ZNF562: variants seen among roughly 807,000 people sequenced by gnomAD.
The protein encoded by ZNF562 is zinc finger protein 562.
ZNF562 carries 13 observed loss-of-function variants against 17.5 expected under a neutral mutation model. That is an observed-to-expected ratio of 0.74 (90% CI 0.48 to 1.18). The LOEUF (loss-of-function observed/expected upper bound fraction) is 1.18, where lower values mean the gene tolerates loss of function less well. ZNF562 is among the 50% of genes most tolerant of loss of function. The pLI is 0.00. For missense variants in ZNF562, 481 were observed against 498.5 expected (o/e 0.96, Z 0.33); for synonymous variants, 163 against 165.4 (o/e 0.99, Z 0.11).
chr19:9,667,629 G>A (rs971592178), intron 1 of ZNF562, among the ~76,000 whole-genome samples: 1 of 152,152 alleles, frequency 6.6e-6, no homozygotes, highest in African/African-American at 2.4e-5. Flanking sequence ...GTCTCCCTCT[G>A]TTGCTCAGGC....
chr19:9,663,248 C>CAAAAAAAAAAAAAAAA (rs59452070), intron 1 of ZNF562, among the ~76,000 whole-genome samples: 2 of 129,910 alleles, frequency 1.5e-5, no homozygotes, highest in Admixed American at 1.5e-4. Flanking sequence ...ACTAAAAATA[C>CAAAAAAAAAAAAAAAA]AAAAAAAAAA....
intron 2 of ZNF562, among the ~76,000 whole-genome samples, chr19:9,660,408 C>T (rs1251059306): frequency 6.6e-6 from 1 of 152,092 alleles, no homozygotes; most frequent in Non-Finnish European, 1.5e-5. Context: ...AGGCAAATCA[C>T]CTGAGGTCGG....
In ZNF562 at chr19:9,643,402, G is replaced by C. The variant is rs2144937117; in HGVS notation, c.*9547C>G. ...AAAAAAATGTGTCTGAAAGGGTCTT[G>C]AGCATCCCTCTGGGCAAATTCCAGG... On this transcript the variant is annotated 3_prime_UTR_variant, in exon 6 of 6. Transcript: ENST00000453372. 1 of 152,060 alleles carries C rather than the reference G, an allele frequency of 6.6e-6. No individual in the cohort carries two copies. Among genetic ancestry groups the C allele is most frequent in the Non-Finnish European group, 1.5e-5 (1 of 67,994 alleles). 9.4% of individuals were successfully genotyped at this position (152,060 alleles called of 1,614,324 possible). A position where few individuals can be genotyped will look rare whatever the true frequency, so the allele number is the denominator to read the frequency against.
chr19:9,674,810 G>A (rs2044346381), intron 1 of ZNF562: 1 of 152,308 alleles, frequency 6.6e-6, no homozygotes, highest in Admixed American at 6.5e-5. Flanking sequence ...ACACCCGGCG[G>A]AGGCGGAACA....
In ZNF562 at chr19:9,642,876, A is replaced by AT. The variant is rs1421949755; in HGVS notation, c.*10072dup. The AT allele has an allele frequency of 6.6e-6, 1 of 151,346 alleles. No homozygotes were observed. The highest frequency in any genetic ancestry group is 2.4e-5 in the African/African-American group (1 of 41,208). 9.4% of individuals were successfully genotyped at this position (151,346 alleles called of 1,614,324 possible). Reference sequence around the variant, plus strand: ...CACAGTCTCGACCAAAAAAAAAAAAATTTAAAAATAAAAAAATTAGCCGGG... The same window carrying AT: ...CACAGTCTCGACCAAAAAAAAAAAAATTTTAAAAATAAAAAAATTAGCCGGG... On this transcript the variant is annotated 3_prime_UTR_variant, in exon 6 of 6. Transcript: ENST00000453372.
At chr19:9,661,218 C>G (rs1448081996) in intron 1 of ZNF562, among the ~76,000 whole-genome samples, 3 of 152,102 alleles carry the variant, frequency 2.0e-5, no homozygotes, top group African/African-American at 7.2e-5. Context: ...GACACAACAA[C>G]AGCTCTCTGT....
chr19:9,661,060 G>A (rs2043716374), intron 1 of ZNF562, among the ~76,000 whole-genome samples, 186 bp from the exon 2 acceptor site: 1 of 152,176 alleles, frequency 6.6e-6, no homozygotes, highest in Non-Finnish European at 1.5e-5. Flanking sequence ...GTCAGAAGTA[G>A]CTCTAGTAGC....
In ZNF562 at chr19:9,648,781, C is replaced by T. The variant is rs1298709663; in HGVS notation, c.*4168G>A. On this transcript the variant is annotated 3_prime_UTR_variant, in exon 6 of 6. Transcript: ENST00000453372. ...CTAAAACTATAGGCATGCATCACCACATCATTTCATTGAAGTATTTATTAG... is the reference window on the plus strand; with the variant it reads ...CTAAAACTATAGGCATGCATCACCATATCATTTCATTGAAGTATTTATTAG... 2.6e-5 allele frequency: 4 copies of T among 152,000 alleles called. No individual in the cohort carries two copies. Among genetic ancestry groups the T allele is most frequent in the African/African-American group, 7.2e-5 (3 of 41,474 alleles). 9.4% of individuals were successfully genotyped at this position (152,000 alleles called of 1,614,324 possible).
chr19:9,653,589 T>G lies in ZNF562; in HGVS notation c.641A>C (p.Lys214Thr). 6.2e-7 allele frequency: 1 copy of G among 1,614,168 alleles called. No individual in the cohort carries two copies. The highest frequency in any genetic ancestry group is 8.5e-7 in the Non-Finnish European group (1 of 1,180,020). ...YKCKECGKGFKYFASLDNHMG... is the reference protein window; with the variant it reads ...YKCKECGKGFTYFASLDNHMG... Reference sequence around the variant, plus strand: ...GTGATTATCAAGGCTTGCAAAATACTTAAAGCCTTTTCCACATTCCTTACA... The same window carrying G: ...GTGATTATCAAGGCTTGCAAAATACGTAAAGCCTTTTCCACATTCCTTACA... Residue 214 changes from lysine (K) to threonine (T), a missense_variant, in exon 6 of 6, where the codon AAG becomes ACG. Around this residue, in one of 2 missense-constraint regions of ZNF562, gnomAD observed 403 missense variants for 386.4 expected, o/e 1.04. Transcript: ENST00000453372.
chr19:9,656,788 G>A, intron 4 of ZNF562, 135 bp from the exon 5 acceptor site: 1 of 769,690 alleles, frequency 1.3e-6, no homozygotes, highest in South Asian at 1.8e-5. Flanking sequence ...ACTTTGGGAG[G>A]CTGAGGTGGG....
intron 1 of ZNF562, among the ~76,000 whole-genome samples, chr19:9,667,057 G>A (rs2043981434): frequency 6.6e-6 from 1 of 152,070 alleles, no homozygotes. Context: ...CCAGACAAGA[G>A]CACAACAACA....
intron 1 of ZNF562, among the ~76,000 whole-genome samples, chr19:9,671,910 G>A (rs1336629869): frequency 1.3e-5 from 2 of 152,184 alleles, no homozygotes; most frequent in Non-Finnish European, 2.9e-5. Flanking sequence ...AGGCTGAACT[G>A]AGTAATTTGA....
rs1030832938 is a variant in ZNF562, at chr19:9,652,826, A to T, written c.*123T>A. 1 of 833,244 alleles carries T rather than the reference A, an allele frequency of 1.2e-6. No individual in the cohort carries two copies. Among genetic ancestry groups the T allele is most frequent in the African/African-American group, 1.7e-5 (1 of 58,270 alleles). 51.6% of individuals were successfully genotyped at this position (833,244 alleles called of 1,614,324 possible). A position where few individuals can be genotyped will look rare whatever the true frequency, so the allele number is the denominator to read the frequency against. On this transcript the variant is annotated 3_prime_UTR_variant, in exon 6 of 6. Transcript: ENST00000453372. Reference sequence around the variant, plus strand: ...CTCCCCAGTGTGAATTCTTTCATGCATACTTAGGCATGAGGAAAGAGCAAA... The same window carrying T: ...CTCCCCAGTGTGAATTCTTTCATGCTTACTTAGGCATGAGGAAAGAGCAAA...
chr19:9,666,472 A>G (rs1014025391), intron 1 of ZNF562, among the ~76,000 whole-genome samples: 3 of 152,062 alleles, frequency 2.0e-5, no homozygotes, highest in African/African-American at 7.2e-5. Flanking sequence ...TTTAAAATAA[A>G]CCTAATGATA....
intron 1 of ZNF562, among the ~76,000 whole-genome samples, chr19:9,673,353 G>A (rs575756577): frequency 3.3e-5 from 5 of 152,028 alleles, no homozygotes; most frequent in Admixed American, 1.3e-4. Context: ...AATAAATTGC[G>A]TTGCTGAGAA....
rs1599254450 is a variant in ZNF562 at position 9,643,510 on chromosome 19, G to A, written c.*9439C>T. On this transcript the variant is annotated 3_prime_UTR_variant, in exon 6 of 6. Transcript: ENST00000453372. ...TTATATTCCTGCAGTAAATGCCACT[G>A]GGTTTACTATTTTCTTATCAAGCAG... 1 of 151,688 alleles carries A rather than the reference G, an allele frequency of 6.6e-6. No individual in the cohort carries two copies. Among genetic ancestry groups the A allele is most frequent in the East Asian group, 1.9e-4 (1 of 5,190 alleles). The allele number at this position is 151,688 out of a possible 1,614,324, so 9.4% of individuals were successfully genotyped here. A position where few individuals can be genotyped will look rare whatever the true frequency, so the allele number is the denominator to read the frequency against.
In ZNF562 at chr19:9,651,715, C is replaced by T. The variant is rs1472627732; in HGVS notation, c.*1234G>A. 2 of 152,202 alleles carry T rather than the reference C, an allele frequency of 1.3e-5. No homozygotes were observed. The highest frequency in any genetic ancestry group is 2.4e-5 in the African/African-American group (1 of 41,452). 9.4% of individuals were successfully genotyped at this position (152,202 alleles called of 1,614,324 possible). On this transcript the variant is annotated 3_prime_UTR_variant, in exon 6 of 6. Coordinates refer to ENST00000453372, the MANE Select transcript of ZNF562 (RefSeq NM_001130031.2). ...GCAGATAACAAGCCAGAGCCTGTCC[C>T]TTTCTTTCTCATAAGGAATACTTAT...
At chr19:9,660,924 CATT>C in intron 1 of ZNF562, 50 bp from the exon 2 acceptor site, 1 of 523,576 alleles carries the variant, frequency 1.9e-6, no homozygotes, top group East Asian at 3.0e-5. Context: ...AGTCATTGAA[CATT>C]ATGCATGAGC....
chr19:9,660,723 G>A lies in ZNF562; in HGVS notation c.22C>T (p.His8Tyr). ...AAGAGCATCAACAAGGACTTACCAT[G>A]GGACATATCAAAGGCTGACATCCTC... is the stretch of plus-strand genomic sequence containing the variant. MSAFDMS[H>Y]GFFPREPICP... Residue 8 changes from histidine to tyrosine, a missense_variant, in exon 2 of 6, where the codon CAT (histidine) becomes TAT (tyrosine). Coordinates refer to ENST00000453372, the MANE Select transcript of ZNF562 (RefSeq NM_001130031.2). 6.2e-7 allele frequency: 1 copy of A among 1,613,386 alleles called. No homozygotes were observed. Among genetic ancestry groups the A allele is most frequent in the Non-Finnish European group, 8.5e-7 (1 of 1,179,578 alleles).
Sources: gnomAD v4.1 joint callset for allele counts (sites outside exome capture counted in the v4.1 genomes callset) on GRCh38, gnomAD v4.1.1 for gene constraint, gnomAD v4.1.1 regional missense constraint, MANE v1.5 for transcripts, NCBI Gene and HGNC (gene_info 2026-07-23, HGNC 2026-07-21) for gene names.